POTEJ: variants seen among roughly 807,000 people sequenced by gnomAD.
POTEJ encodes POTE ankyrin domain family member J.
A neutral mutation model predicts 69.0 loss-of-function variants in POTEJ; 11 were observed. The observed-to-expected ratio is 0.16, with a 90% CI of 0.10 to 0.26. POTEJ has a LOEUF of 0.26. POTEJ is among the 10% of genes least tolerant of loss of function. POTEJ has a pLI of 1.00. For missense variants in POTEJ, 327 were observed against 1,045.5 expected (o/e 0.31, Z 9.48); for synonymous variants, 117 against 381.1 (o/e 0.31, Z 8.07).
chr2:130,612,797 T>A (rs1314075804), intron 1 of POTEJ, among the ~76,000 whole-genome samples: 1 of 149,594 alleles, frequency 6.7e-6, no homozygotes, highest in African/African-American at 2.5e-5. Context: ...TGTGAGCTTT[T>A]TCTATTTATC....
intron 13 of POTEJ, among the ~76,000 whole-genome samples, chr2:130,651,974 A>C (rs1284627876): frequency 4.2e-5 from 5 of 119,976 alleles, no homozygotes; most frequent in Admixed American, 1.5e-4. Flanking sequence ...AAATAAGGAT[A>C]CCCCCCCCCA....
At chr2:130,613,302 A>T (rs1428949006) in intron 1 of POTEJ, among the ~76,000 whole-genome samples, 2 of 120,852 alleles carry the variant, frequency 1.7e-5, no homozygotes, top group South Asian at 4.7e-4. Context: ...ATATATACAT[A>T]TGTATATATA....
At chr2:130,652,847 G>A (rs1341637857) in intron 13 of POTEJ, among the ~76,000 whole-genome samples, 15 of 133,790 alleles carry the variant, frequency 1.1e-4, no homozygotes, top group South Asian at 2.4e-4. Context: ...CTTGTTTACC[G>A]TTTGTACCTC....
chr2:130,611,189 G>A (rs1685195083), upstream of POTEJ, among the ~76,000 whole-genome samples: 1 of 141,956 alleles, frequency 7.0e-6, no homozygotes, highest in Non-Finnish European at 1.5e-5. Context: ...GTTCCTCCTT[G>A]GATTGACGTT....
At chr2:130,611,356 T>A (rs1412859566), upstream of POTEJ, 1 of 223,850 alleles carries the variant, frequency 4.5e-6, no homozygotes, top group African/African-American at 1.4e-4. Context: ...CGGGTGGGTG[T>A]GGGTTTTCCC....
At chr2:130,651,791 A>G (rs1204521739) in intron 13 of POTEJ, among the ~76,000 whole-genome samples, 1 of 145,070 alleles carries the variant, frequency 6.9e-6, no homozygotes, top group Non-Finnish European at 1.5e-5. Flanking sequence ...ATGCATTTTT[A>G]TCTCATTAAA....
rs569509547 is a variant in POTEJ at position 130,638,433 on chromosome 2, T to G, written c.1299-186T>G. On this transcript the variant is annotated intron_variant, in intron 9 of 14. Transcript: ENST00000409602. ...CGATTTATGAGTATTTCATCTTACT[T>G]TTTTTTCTTCTTTAATTAGAAGCTT... Among the ~76,000 whole-genome samples, 7 of 150,752 alleles carry G rather than the reference T, an allele frequency of 4.6e-5. No individual in the cohort carries two copies. In the East Asian group the frequency reaches 1.2e-3, roughly 25 times the overall value.
intron 6 of POTEJ, among the ~76,000 whole-genome samples, chr2:130,626,782 T>A (rs3872437): frequency 2.0e-5 from 3 of 151,506 alleles, no homozygotes; most frequent in South Asian, 2.1e-4. Context: ...CTTAGTGAAA[T>A]ACATAAAGTT....
At chr2:130,628,527 G>C (rs1685788528) in intron 6 of POTEJ, among the ~76,000 whole-genome samples, 1 of 105,418 alleles carries the variant, frequency 9.5e-6, no homozygotes, top group Middle Eastern at 4.0e-3. Flanking sequence ...TAAAATGTGA[G>C]TAAGATGATG....
At chr2:130,655,924 G>C (rs1461444824) in intron 14 of POTEJ, among the ~76,000 whole-genome samples, 5,289 of 123,374 alleles carry the variant, frequency 0.043, 2 homozygotes, top group Middle Eastern at 0.065. Context: ...TGTAGAAGTG[G>C]AATGCCTAGA....
chr2:130,612,606 A>T (rs1206691648), intron 1 of POTEJ, among the ~76,000 whole-genome samples: 16 of 150,640 alleles, frequency 1.1e-4, no homozygotes, highest in South Asian at 2.1e-4. Flanking sequence ...TAAAAATTAT[A>T]AAAAAAATTA....
rs183909284 is a variant in POTEJ at position 130,636,847 on chromosome 2, C to T, written c.1299-1772C>T. On this transcript the variant is annotated intron_variant, in intron 9 of 14. Transcript: ENST00000409602. ...GTGGCTCACACCTGTAATCACAGCA[C>T]TTTGGGAGGCCAAGGCAGGCGGATC... 6.0e-3 allele frequency among the ~76,000 whole-genome samples: 884 copies of T among 147,728 alleles called. 62 individuals are homozygous for T. Among genetic ancestry groups the T allele is most frequent in the African/African-American group, 0.021 (839 of 40,498 alleles).
At position 130,630,750 on chromosome 2, in the gene POTEJ, A is replaced by G. The variant is rs541332326; in HGVS notation, c.1087-659A>G. On this transcript the variant is annotated intron_variant, in intron 7 of 14. Transcript: ENST00000409602. ...TTTCAGTTGCAGAAAATTAGTACAT[A>G]TTATTAAAAAATCTTTATCCACTGT... 5.3e-4 allele frequency among the ~76,000 whole-genome samples: 77 copies of G among 145,998 alleles called. 1 individual carries two copies. Among genetic ancestry groups the G allele is most frequent in the African/African-American group, 1.9e-3 (72 of 37,824 alleles).
In POTEJ at chr2:130,628,773, G is replaced by A. The variant is rs576299462; in HGVS notation, c.1016-1176G>A. ...GTGGTGGCTCACACCTCTAATCCCA[G>A]CATTTTGGGAGGCTGGAGCAGGCAG... On this transcript the variant is annotated intron_variant, in intron 6 of 14. Coordinates refer to ENST00000409602, the MANE Select transcript of POTEJ (RefSeq NM_001277083.2). 7.3e-5 allele frequency among the ~76,000 whole-genome samples: 11 copies of A among 149,766 alleles called. No individual in the cohort carries two copies. The South Asian group carries it at 1.3e-3, about 17-fold the overall frequency.
At position 130,651,880 on chromosome 2, in the gene POTEJ, T is replaced by G. The variant is rs80296241; in HGVS notation, c.1668-3041T>G. Among the ~76,000 whole-genome samples, 86 of 144,666 alleles carry G rather than the reference T, an allele frequency of 5.9e-4. 2 individuals are homozygous for G. The highest frequency in any genetic ancestry group is 1.9e-3 in the African/African-American group (70 of 37,752). 94.9% of individuals were successfully genotyped at this position (144,666 alleles called of 152,430 possible). On this transcript the variant is annotated intron_variant, in intron 13 of 14. Coordinates refer to ENST00000409602, the MANE Select transcript of POTEJ (RefSeq NM_001277083.2). ...ATAGGTTAAAAGTGAAGAAAATTTA[T>G]GAGATCATTTTGTTTTCAAACAAAA...
chr2:130,620,413 A>G (rs1444341429), intron 4 of POTEJ, among the ~76,000 whole-genome samples: 2 of 143,842 alleles, frequency 1.4e-5, no homozygotes, highest in Admixed American at 7.0e-5. Context: ...AAGGCATTTC[A>G]TATTAATTTT....
intron 9 of POTEJ, among the ~76,000 whole-genome samples, chr2:130,637,741 A>T (rs1203606798): frequency 3.9e-5 from 6 of 152,274 alleles, no homozygotes; most frequent in East Asian, 1.9e-4. Context: ...ACCTAAAAAA[A>T]AAAATAAAAG....
At chr2:130,630,673 G>T (rs1685863939) in intron 7 of POTEJ, among the ~76,000 whole-genome samples, 1 of 142,802 alleles carries the variant, frequency 7.0e-6, no homozygotes, top group African/African-American at 2.8e-5. Flanking sequence ...ATCATATCTT[G>T]CAGAATGGAA....
chr2:130,625,440 G>A (rs1333104938), intron 6 of POTEJ, among the ~76,000 whole-genome samples: 1 of 151,902 alleles, frequency 6.6e-6, no homozygotes, highest in African/African-American at 2.4e-5. Context: ...TGTGCTAGAT[G>A]CCCACTGGAA....
Sources: allele counts gnomAD v4.1 joint callset (sites outside exome capture counted in the v4.1 genomes callset), GRCh38; gene constraint gnomAD v4.1.1; transcripts MANE v1.5; gene names NCBI Gene and HGNC (gene_info 2026-07-23, HGNC 2026-07-21).